POU6F2: variants seen among roughly 807,000 people sequenced by gnomAD.
POU6F2 encodes POU class 6 homeobox 2.
In POU6F2, 31 loss-of-function variants were observed where a neutral mutation model predicts 71.3. The ratio of observed to expected loss-of-function variants is 0.43; its 90% confidence interval spans 0.33 to 0.59. The LOEUF (loss-of-function observed/expected upper bound fraction) is 0.59. POU6F2 is among the 20% of genes least tolerant of loss of function. POU6F2 has a pLI of 0.04. For synonymous variants in POU6F2, 347 were observed against 355.7 expected, an observed-to-expected ratio of 0.98 and a Z score of 0.27; for missense variants, 783 against 856.8, an observed-to-expected ratio of 0.91 and a Z score of 1.07.
chr7:39,364,260 CT>C (rs112590056), intron 5 of POU6F2, among the ~76,000 whole-genome samples: 28,257 of 143,762 alleles, frequency 0.2, 2,644 homozygotes, highest in African/African-American at 0.23. Flanking sequence ...TCTCTATTCT[CT>C]TTTTTTTTTT....
At chr7:39,033,063 C>G (rs542902109) in intron 1 of POU6F2, among the ~76,000 whole-genome samples, 12 of 152,122 alleles carry the variant, frequency 7.9e-5, no homozygotes, top group Non-Finnish European at 1.6e-4. Context: ...GGTCTCTGCC[C>G]AGGAGCAAAA....
chr7:39,386,294 A>C (rs879352777), intron 5 of POU6F2, among the ~76,000 whole-genome samples: 5 of 151,832 alleles, frequency 3.3e-5, no homozygotes, highest in Admixed American at 2.0e-4. Flanking sequence ...TCCCTCCTCC[A>C]TTAACATCCT....
At chr7:39,332,328 T>G (rs1785672278) in intron 4 of POU6F2, among the ~76,000 whole-genome samples, 1 of 152,248 alleles carries the variant, frequency 6.6e-6, no homozygotes, top group African/African-American at 2.4e-5. Flanking sequence ...AGAACTGCTA[T>G]ACAGCTGTCA....
At chr7:38,999,525 T>C (rs117731875) in intron 1 of POU6F2, among the ~76,000 whole-genome samples, 1,980 of 152,296 alleles carry the variant, frequency 0.013, 26 homozygotes, top group Admixed American at 0.027. Context: ...ATATACTATA[T>C]GTGTAACTGG....
chr7:39,085,922 G>T lies in POU6F2; in HGVS notation c.168G>T (p.Ala56=). 6.2e-7 allele frequency: 1 copy of T among 1,613,572 alleles called. No homozygotes were observed. Among genetic ancestry groups the T allele is most frequent in the Non-Finnish European group, 8.5e-7 (1 of 1,179,758 alleles). The change falls in exon 2 of 10, where the codon GCG becomes GCT. Residue 56 remains alanine, a synonymous_variant. Coordinates refer to ENST00000518318, the MANE Select transcript of POU6F2 (RefSeq NM_001370959.1). Reference sequence around the variant, plus strand: ...TGTCAGTGCGGAGTGAAATGAATGCGGAGTTGAGAGGTGAGGACAAGGCTG... The same window carrying T: ...TGTCAGTGCGGAGTGAAATGAATGCTGAGTTGAGAGGTGAGGACAAGGCTG... ...PLLSVRSEMN[A]ELRGEDKAAT... is the part of the protein sequence containing the mutation.
At chr7:39,276,250 C>T (rs1289492094) in intron 4 of POU6F2, among the ~76,000 whole-genome samples, 3 of 152,020 alleles carry the variant, frequency 2.0e-5, no homozygotes, top group African/African-American at 4.8e-5. Flanking sequence ...AGGATATGAA[C>T]AGACACTTCT....
intron 1 of POU6F2, among the ~76,000 whole-genome samples, chr7:39,042,326 C>T (rs1358934527): frequency 1.3e-5 from 2 of 151,946 alleles, no homozygotes; most frequent in East Asian, 3.9e-4. Flanking sequence ...ACTTCTCTGC[C>T]CTTTAGAAGT....
chr7:38,985,452 C>T (rs796944282), intron 1 of POU6F2, among the ~76,000 whole-genome samples: 3 of 152,094 alleles, frequency 2.0e-5, no homozygotes, highest in African/African-American at 7.2e-5. Context: ...CAGAATGTTC[C>T]AGCTTGAATC....
At chr7:39,461,511 G>A (rs1441626448) in intron 9 of POU6F2, among the ~76,000 whole-genome samples, 1 of 152,098 alleles carries the variant, frequency 6.6e-6, no homozygotes, top group South Asian at 2.1e-4. Context: ...TCCTCCAACA[G>A]GAAAAGCCAA....
At chr7:39,053,294 T>C (rs1790435147) in intron 1 of POU6F2, among the ~76,000 whole-genome samples, 1 of 152,154 alleles carries the variant, frequency 6.6e-6, no homozygotes, top group South Asian at 2.1e-4. Context: ...TTACAGTGTA[T>C]TCACTGTCAA....
At chr7:39,158,699 A>G (rs1242624602) in intron 2 of POU6F2, among the ~76,000 whole-genome samples, 2 of 152,108 alleles carry the variant, frequency 1.3e-5, no homozygotes, top group Non-Finnish European at 2.9e-5. Flanking sequence ...TTTTTGTTCT[A>G]TTCAGGCCCC....
At chr7:39,222,776 T>C (rs1437814478) in intron 4 of POU6F2, among the ~76,000 whole-genome samples, 1 of 152,236 alleles carries the variant, frequency 6.6e-6, no homozygotes, top group Non-Finnish European at 1.5e-5. Context: ...TTCCATTGTA[T>C]GTATAGCTAC....
chr7:39,179,625 A>C (rs1793400153), intron 2 of POU6F2, among the ~76,000 whole-genome samples: 1 of 152,244 alleles, frequency 6.6e-6, no homozygotes, highest in Admixed American at 6.5e-5. Flanking sequence ...ATCTTGATCC[A>C]CTGGATCTGG....
intron 2 of POU6F2, among the ~76,000 whole-genome samples, chr7:39,141,528 T>C (rs901686453): frequency 1.3e-5 from 2 of 152,232 alleles, no homozygotes; most frequent in Non-Finnish European, 2.9e-5. Flanking sequence ...CTAAAGTCTA[T>C]TGCATTCTTT....
At chr7:39,438,844 G>T (rs186862036) in intron 7 of POU6F2, among the ~76,000 whole-genome samples, 3 of 152,324 alleles carry the variant, frequency 2.0e-5, no homozygotes, top group African/African-American at 7.2e-5. Flanking sequence ...TTGATTTGGG[G>T]TGGAGAGTTC....
chr7:39,277,530 C>T (rs1361076690), intron 4 of POU6F2, among the ~76,000 whole-genome samples: 1 of 152,102 alleles, frequency 6.6e-6, no homozygotes, highest in Non-Finnish European at 1.5e-5. Context: ...CCGCAAAAAG[C>T]AAGTATTATT....
intron 2 of POU6F2, among the ~76,000 whole-genome samples, chr7:39,087,160 AT>A (rs879647748): frequency 0.12 from 11,854 of 98,038 alleles, 790 homozygotes; most frequent in African/African-American, 0.24. Context: ...TAATTAATTA[AT>A]TTATTTATTT....
intron 1 of POU6F2, among the ~76,000 whole-genome samples, chr7:38,991,546 A>C (rs1389790352): frequency 1.3e-5 from 2 of 152,170 alleles, no homozygotes; most frequent in South Asian, 4.1e-4. Context: ...ACTAGAGGCC[A>C]TGAATGTCAT....
chr7:39,348,026 G>A (rs1786064429), intron 5 of POU6F2, among the ~76,000 whole-genome samples: 1 of 144,420 alleles, frequency 6.9e-6, no homozygotes, highest in African/African-American at 2.5e-5. Context: ...AACATATTGT[G>A]TAGTAGTCAA....
Sources: allele counts gnomAD v4.1 joint callset (sites outside exome capture counted in the v4.1 genomes callset), GRCh38; gene constraint gnomAD v4.1.1; transcripts MANE v1.5; gene names NCBI Gene and HGNC (gene_info 2026-07-23, HGNC 2026-07-21).